EEF1AKMT2: variants seen among roughly 807,000 people sequenced by gnomAD.
EEF1AKMT2 encodes eukaryotic translation elongation factor 1 alpha lysine methyltransferase 2.
EEF1AKMT2 carries 32 observed loss-of-function variants against 35.8 expected under a neutral mutation model. The observed-to-expected ratio is 0.89, with a 90% CI of 0.67 to 1.20. The LOEUF is 1.20. Ranked by LOEUF, EEF1AKMT2 falls within the 50% of genes most tolerant of loss-of-function variation. The pLI, the probability that EEF1AKMT2 is intolerant of heterozygous loss-of-function variation, is 0.00. For synonymous variants in EEF1AKMT2, 121 were observed against 133.7 expected (o/e 0.91, Z 0.65); for missense variants, 330 against 347.5 (o/e 0.95, Z 0.40).
In EEF1AKMT2 at chr10:124,769,248, A is replaced by ATATATATATGTGTG. The variant is rs60863408; in HGVS notation, c.400-3641_400-3640insCACACATATATATA. 1.4e-3 allele frequency among the ~76,000 whole-genome samples: 92 copies of ATATATATATGTGTG among 63,808 alleles called. 2 individuals carry two copies. In the South Asian group the frequency reaches 0.019, roughly 13 times the overall value. 41.9% of individuals were successfully genotyped at this position (63,808 alleles called of 152,430 possible). ...AAAAAAAAAAAATATATATATATATATGTGTGTATAAATAAAACGAACAGA... is the reference window on the plus strand; with the variant it reads ...AAAAAAAAAAAATATATATATATATATATATATATGTGTGTGTGTGTATAAATAAAACGAACAGA... On this transcript the variant is annotated intron_variant, in intron 4 of 6. Transcript: ENST00000368836.
At chr10:124,783,633 A>C (rs1405965408) in intron 3 of EEF1AKMT2, among the ~76,000 whole-genome samples, 1 of 151,880 alleles carries the variant, frequency 6.6e-6, no homozygotes, top group African/African-American at 2.4e-5. Context: ...TACACACAAA[A>C]ACTTACATAT....
intron 4 of EEF1AKMT2, among the ~76,000 whole-genome samples, chr10:124,767,270 T>C (rs920657394): frequency 1.3e-5 from 2 of 150,016 alleles, no homozygotes; most frequent in African/African-American, 4.9e-5. Context: ...TCCCAACACT[T>C]AGGGAGGCCA....
At chr10:124,780,310 G>A (rs987465776) in intron 3 of EEF1AKMT2, among the ~76,000 whole-genome samples, 1 of 152,118 alleles carries the variant, frequency 6.6e-6, no homozygotes, top group Non-Finnish European at 1.5e-5. Flanking sequence ...GACAACACGA[G>A]GGACAGAAAA....
chr10:124,788,655 T>C (rs1377704179), intron 3 of EEF1AKMT2, among the ~76,000 whole-genome samples: 1 of 148,106 alleles, frequency 6.8e-6, no homozygotes, highest in Non-Finnish European at 1.5e-5. Flanking sequence ...TCAAACCATA[T>C]GCTTACCTAT....
At chr10:124,771,694 C>G (rs1261037462) in intron 4 of EEF1AKMT2, among the ~76,000 whole-genome samples, 1 of 151,724 alleles carries the variant, frequency 6.6e-6, no homozygotes, top group East Asian at 2.0e-4. Flanking sequence ...ACGGTGAAAC[C>G]CCATCTCTAC....
intron 4 of EEF1AKMT2, chr10:124,766,114 A>C (rs1176579722): frequency 1.3e-5 from 2 of 153,868 alleles, no homozygotes; most frequent in Non-Finnish European, 2.9e-5. Flanking sequence ...CACAGCACTC[A>C]GCTATGGGAA....
intron 2 of EEF1AKMT2, among the ~76,000 whole-genome samples, chr10:124,789,402 G>C (rs975090515): frequency 7.2e-5 from 11 of 152,132 alleles, no homozygotes; most frequent in African/African-American, 2.7e-4. Flanking sequence ...GTATGTGTTG[G>C]TGTCTCAGAA....
At position 124,760,413 on chromosome 10, in the gene EEF1AKMT2, AT is replaced by A; in HGVS notation, c.*89del. 1.9e-6 allele frequency: 3 copies of A among 1,611,124 alleles called. No homozygotes were observed. The highest frequency in any genetic ancestry group is 1.1e-5 in the South Asian group (1 of 90,958). ...GAATTCGTCCAAGAAAAAGTCTCAC[AT>A]TTTTTGGAAAACCAATGCTGCTACA... On this transcript the variant is annotated 3_prime_UTR_variant, in exon 7 of 7. Transcript: ENST00000368836.
At chr10:124,763,964 G>C (rs1950354720) in intron 5 of EEF1AKMT2, among the ~76,000 whole-genome samples, 1 of 152,098 alleles carries the variant, frequency 6.6e-6, no homozygotes, top group African/African-American at 2.4e-5. Context: ...GTTTTCCAGA[G>C]GCAATAGTAA....
At position 124,762,327 on chromosome 10, in the gene EEF1AKMT2, T is replaced by G. The variant is rs139012328; in HGVS notation, c.848A>C (p.Tyr283Ser). Residue 283 changes from tyrosine to serine, a missense_variant, in exon 6 of 7, where the codon TAC (tyrosine) becomes TCC (serine). By Grantham distance (144) the Tyr-to-Ser change is moderately radical. Transcript: ENST00000368836. ...AAATGCCAACGAGGGCCTGGCATGG[T>G]ATAATCCCAGCACTTTGGGAGGCCA... The part of the protein sequence containing the change: ...PTWPPKVLGL[Y>S]HARPSLAF The G allele has an allele frequency of 1.9e-5, 23 of 1,201,874 alleles. No individual in the cohort carries two copies. In the East Asian group the frequency reaches 1.3e-3, roughly 68 times the overall value. 74.5% of individuals were successfully genotyped at this position (1,201,874 alleles called of 1,614,324 possible). A position where few individuals can be genotyped will look rare whatever the true frequency, so the allele number is the denominator to read the frequency against.
At position 124,768,810 on chromosome 10, in the gene EEF1AKMT2, A is replaced by AT. The variant is rs1025188691; in HGVS notation, c.400-3203dup. The stretch of plus-strand genomic sequence containing the variant: ...TGTGGTAAAAGAACATCAGAGCAGC[A>AT]TGAGTGGAAATGGAGGGGCAAAATC... On this transcript the variant is annotated intron_variant, in intron 4 of 6. Transcript: ENST00000368836. Among the ~76,000 whole-genome samples the AT allele has an allele frequency of 2.0e-5, 3 of 152,256 alleles. 1 individual carries two copies. Among genetic ancestry groups the AT allele is most frequent in the Middle Eastern group, 6.8e-3 (2 of 294 alleles).
At position 124,764,874 on chromosome 10, in the gene EEF1AKMT2, G is replaced by T. The variant is rs1164521005; in HGVS notation, c.616+518C>A. On this transcript the variant is annotated intron_variant, in intron 5 of 6. Coordinates refer to ENST00000368836, the MANE Select transcript of EEF1AKMT2 (RefSeq NM_212554.4). ...AATAGATTATATACCTTAAATAAAAGATTGTACGACTCAAATAGAGAACTT... is the reference window on the plus strand; with the variant it reads ...AATAGATTATATACCTTAAATAAAATATTGTACGACTCAAATAGAGAACTT... Among the ~76,000 whole-genome samples the T allele has an allele frequency of 3.3e-5, 5 of 152,256 alleles. No homozygotes were observed. The East Asian group carries it at 9.6e-4, about 29-fold the overall frequency.
chr10:124,782,448 A>G (rs960954693), intron 3 of EEF1AKMT2, among the ~76,000 whole-genome samples: 3 of 151,390 alleles, frequency 2.0e-5, no homozygotes, highest in Admixed American at 6.6e-5. Flanking sequence ...CGGGCGTGGT[A>G]GCGGGCGCCT....
chr10:124,789,027 T>C lies in EEF1AKMT2; in HGVS notation c.291+16A>G. On this transcript the variant is annotated intron_variant, in intron 3 of 6. Coordinates refer to ENST00000368836, the MANE Select transcript of EEF1AKMT2 (RefSeq NM_212554.4). ...TTAAAATTTGTCTTTAACAAACAAATACTAAAAGTACCAACAAGTTCAACC... is the reference window on the plus strand; with the variant it reads ...TTAAAATTTGTCTTTAACAAACAAACACTAAAAGTACCAACAAGTTCAACC... 6.3e-7 allele frequency: 1 copy of C among 1,586,434 alleles called. No individual in the cohort carries two copies. Among genetic ancestry groups the C allele is most frequent in the Non-Finnish European group, 8.6e-7 (1 of 1,161,076 alleles).
intron 3 of EEF1AKMT2, among the ~76,000 whole-genome samples, chr10:124,777,498 G>A (rs565963041): frequency 2.0e-5 from 3 of 151,790 alleles, no homozygotes; most frequent in South Asian, 2.1e-4. Context: ...ACTGTAGCAC[G>A]ATGGTATCTG....
At chr10:124,780,472 T>G (rs1950530607) in intron 3 of EEF1AKMT2, among the ~76,000 whole-genome samples, 1 of 152,178 alleles carries the variant, frequency 6.6e-6, no homozygotes, top group African/African-American at 2.4e-5. Context: ...TTGCAATGTG[T>G]GGACTTAACA....
chr10:124,791,447 C>G (rs932674251), intron 1 of EEF1AKMT2, among the ~76,000 whole-genome samples: 1 of 152,078 alleles, frequency 6.6e-6, no homozygotes, highest in African/African-American at 2.4e-5. Context: ...CCCTCAGGTT[C>G]GAGACTCCCA....
downstream of EEF1AKMT2, among the ~76,000 whole-genome samples, chr10:124,756,487 C>T (rs760884805): frequency 2.6e-5 from 4 of 152,156 alleles, no homozygotes. Flanking sequence ...GTTTATTTCC[C>T]TGGGCCTAAA....
intron 3 of EEF1AKMT2, among the ~76,000 whole-genome samples, chr10:124,775,110 A>G (rs1243321773): frequency 1.3e-5 from 2 of 152,210 alleles, no homozygotes; most frequent in African/African-American, 4.8e-5. Flanking sequence ...CAATTCACAC[A>G]TAAATTTGTC....
Sources: gnomAD v4.1 joint callset for allele counts (sites outside exome capture counted in the v4.1 genomes callset) on GRCh38, gnomAD v4.1.1 for gene constraint, MANE v1.5 for transcripts, NCBI Gene and HGNC (gene_info 2026-07-23, HGNC 2026-07-21) for gene names.